C1QB: variants seen among roughly 807,000 people sequenced by gnomAD.
The protein encoded by C1QB is complement C1q B chain.
C1QB carries 2 observed loss-of-function variants against 4.6 expected under a neutral mutation model. That is an observed-to-expected ratio of 0.43 (90% CI 0.18 to 1.36). The LOEUF is 1.36. Ranked by LOEUF, C1QB falls within the 40% of genes most tolerant of loss-of-function variation. The probability of loss-of-function intolerance (pLI) is 0.28; values close to 1 mark genes in which losing one functional copy is unlikely to be tolerated. For missense variants in C1QB, 292 were observed against 338.0 expected, an observed-to-expected ratio of 0.86 and a Z score of 1.07; for synonymous variants, 132 against 137.1, an observed-to-expected ratio of 0.96 and a Z score of 0.26.
rs1167283790 is a variant in C1QB at position 22,659,539 on chromosome 1, A to G, written c.77A>G (p.Gln26Arg). 11 of 1,614,076 alleles carry G rather than the reference A, an allele frequency of 6.8e-6. No homozygotes were observed. The highest frequency in any genetic ancestry group is 9.3e-6 in the Non-Finnish European group (11 of 1,179,974). ...LLGLIDISQA[Q>R]LSCTGPPAIP... ...GGCCTAATCGATATCTCCCAGGCCC[A>G]GCTCAGCTGCACCGGGCCCCCAGCC... The change falls in exon 2 of 3, where the codon CAG becomes CGG. Residue 26 changes from glutamine (Q) to arginine (R), a missense_variant. Physicochemically the swap from Gln to Arg is conservative, Grantham distance 43. Coordinates refer to ENST00000509305, the MANE Select transcript of C1QB (RefSeq NM_001378156.1).
chr1:22,659,250 A>G (rs1642580316), intron 1 of C1QB, among the ~76,000 whole-genome samples, 190 bp from the exon 2 acceptor site: 2 of 138,834 alleles, frequency 1.4e-5, no homozygotes, highest in Non-Finnish European at 3.1e-5. Context: ...AGGGATAGAG[A>G]GATGGATGGA....
chr1:22,653,856 A>G (rs973597203), intron 1 of C1QB, among the ~76,000 whole-genome samples: 10 of 152,196 alleles, frequency 6.6e-5, no homozygotes, highest in African/African-American at 2.4e-4. Flanking sequence ...TTCCAAAGAA[A>G]TAAGGGGATG....
Position 22,659,292 on chromosome 1 carries a change from A to AGATGGATG in C1QB, c.-23-119_-23-112dup, listed in dbSNP as rs56917855. The stretch of plus-strand genomic sequence containing the variant: ...GACGGATGCAGATGGAGGGATAGAG[A>AGATGGATG]GATGGATGGATGGATGGATGGATGG... On this transcript the variant is annotated intron_variant, in intron 1 of 2. Coordinates refer to ENST00000509305, the MANE Select transcript of C1QB (RefSeq NM_001378156.1). 0.18 allele frequency: 117,711 copies of AGATGGATG among 646,996 alleles called. 12,501 individuals carry two copies. Among genetic ancestry groups the AGATGGATG allele is most frequent in the African/African-American group, 0.26 (11,785 of 46,088 alleles). The allele number at this position is 646,996 out of a possible 1,614,324, so 40.1% of individuals were successfully genotyped here.
intron 1 of C1QB, among the ~76,000 whole-genome samples, chr1:22,655,832 A>C (rs1642520477): frequency 6.6e-6 from 1 of 152,256 alleles, no homozygotes; most frequent in Non-Finnish European, 1.5e-5. Context: ...CCCCCATTTT[A>C]AGAGAGGATA....
At chr1:22,654,814 G>C (rs992238835) in intron 1 of C1QB, among the ~76,000 whole-genome samples, 1 of 152,214 alleles carries the variant, frequency 6.6e-6, no homozygotes, top group Non-Finnish European at 1.5e-5. Flanking sequence ...AGCAATCATC[G>C]TGGTGGTAAA....
chr1:22,656,765 C>T (rs1474550744), intron 1 of C1QB, among the ~76,000 whole-genome samples: 1 of 152,194 alleles, frequency 6.6e-6, no homozygotes, highest in Admixed American at 6.5e-5. Flanking sequence ...CACAAGACTG[C>T]TCCCCCTCAG....
In C1QB at chr1:22,661,511, T is replaced by A; in HGVS notation, c.*125T>A. On this transcript the variant is annotated 3_prime_UTR_variant, in exon 3 of 3. Transcript: ENST00000509305. ...TGGTGAATGCTGCTGAGTGAATGAG[T>A]AAATAAACTCTTCAAGGCCAAGGGA... 1 of 1,138,334 alleles carries A rather than the reference T, an allele frequency of 8.8e-7. No individual in the cohort carries two copies. Among genetic ancestry groups the A allele is most frequent in the Non-Finnish European group, 1.3e-6 (1 of 773,080 alleles). The allele number at this position is 1,138,334 out of a possible 1,614,324, so 70.5% of individuals were successfully genotyped here.
chr1:22,659,720 A>G (rs977765840), intron 2 of C1QB, 77 bp downstream of exon 2: 1 of 1,507,294 alleles, frequency 6.6e-7, no homozygotes, highest in Middle Eastern at 1.7e-4. Flanking sequence ...ACAGTTGCCT[A>G]CCTTTGAGAC....
In C1QB at chr1:22,661,432, G is replaced by C; in HGVS notation, c.*46G>C. ...CACCCCGGCTCCCCCTGCCAGCAAC[G>C]CTCACTCTACCCCCAACACCACCCC... On this transcript the variant is annotated 3_prime_UTR_variant, in exon 3 of 3. Coordinates refer to ENST00000509305, the MANE Select transcript of C1QB (RefSeq NM_001378156.1). The C allele has an allele frequency of 6.2e-7, 1 of 1,606,864 alleles. No individual in the cohort carries two copies. Among genetic ancestry groups the C allele is most frequent in the East Asian group, 2.2e-5 (1 of 44,808 alleles).
chr1:22,655,629 A>T (rs1232790109), intron 1 of C1QB, among the ~76,000 whole-genome samples: 1 of 152,162 alleles, frequency 6.6e-6, no homozygotes, highest in Non-Finnish European at 1.5e-5. Flanking sequence ...CAGTTTCCTC[A>T]TCTGCAAGAT....
intron 1 of C1QB, among the ~76,000 whole-genome samples, chr1:22,658,091 C>T (rs749767944): frequency 1.3e-5 from 2 of 152,134 alleles, no homozygotes; most frequent in Non-Finnish European, 2.9e-5. Context: ...TCTAAGCATG[C>T]AAGGTGGCCC....
At chr1:22,659,340 A>C in intron 1 of C1QB, 100 bp from the exon 2 acceptor site, 2 of 978,838 alleles carry the variant, frequency 2.0e-6, no homozygotes, top group Non-Finnish European at 3.0e-6. Flanking sequence ...AGATGGAGGA[A>C]TAGAGAGATG....
chr1:22,654,409 T>C (rs1055771791), intron 1 of C1QB, among the ~76,000 whole-genome samples: 2 of 151,822 alleles, frequency 1.3e-5, no homozygotes, highest in Non-Finnish European at 2.9e-5. Flanking sequence ...TCTCCACCCC[T>C]TGCTGCCTCC....
At position 22,656,377 on chromosome 1, in the gene C1QB, A is replaced by G. The variant is rs1256995623; in HGVS notation, c.-23-3063A>G. ...ACTTCCCAAATGTCCACCAATGATG[A>G]GTGGATAAACAAATAGCCAAGCGAG... On this transcript the variant is annotated intron_variant, in intron 1 of 2. Transcript: ENST00000509305. 3.3e-5 allele frequency among the ~76,000 whole-genome samples: 5 copies of G among 152,314 alleles called. No individual in the cohort carries two copies. The East Asian group carries it at 9.6e-4, about 29-fold the overall frequency.
chr1:22,661,311 G>T lies in C1QB; in HGVS notation c.681G>T (p.Lys227Asn). 6.2e-7 allele frequency: 1 copy of T among 1,614,064 alleles called. No homozygotes were observed. The highest frequency in any genetic ancestry group is 8.5e-7 in the Non-Finnish European group (1 of 1,179,990). ...ACGTCTTCCTGCAGGCCACCGACAA[G>T]AACTCACTACTGGGCATGGAGGGTG... ...GENVFLQATD[K>N]NSLLGMEGAN... is the part of the protein sequence containing the mutation. The change falls in exon 3 of 3, where the codon AAG becomes AAT. Residue 227 changes from lysine (K) to asparagine (N), a missense_variant. Coordinates refer to ENST00000509305, the MANE Select transcript of C1QB (RefSeq NM_001378156.1).
intron 1 of C1QB, among the ~76,000 whole-genome samples, chr1:22,654,626 G>C (rs1303340455): frequency 6.6e-6 from 1 of 152,192 alleles, no homozygotes; most frequent in Non-Finnish European, 1.5e-5. Flanking sequence ...CCCTATGAGG[G>C]AGAGAGTAGC....
chr1:22,658,789 AGGAT>A (rs749531414), intron 1 of C1QB, among the ~76,000 whole-genome samples: 130 of 148,324 alleles, frequency 8.8e-4, no homozygotes, highest in African/African-American at 2.0e-3. Context: ...CAGGGGCAGA[AGGAT>A]GGATGGATGG....
chr1:22,659,522 C>A lies in C1QB; in HGVS notation c.60C>A (p.Ile20=), dbSNP rs77379868. 1.6e-3 allele frequency: 2,633 copies of A among 1,614,028 alleles called. 47 individuals carry two copies. In the African/African-American group the frequency reaches 0.031, roughly 19 times the overall value. Residue 20 remains isoleucine, a synonymous_variant, in exon 2 of 3, where the codon ATC becomes ATA. Transcript: ENST00000509305. ...VLMLLLLLGL[I]DISQAQLSCT... Reference sequence around the variant, plus strand: ...TGTTGCTCCTGCTCCTGGGCCTAATCGATATCTCCCAGGCCCAGCTCAGCT... The same window carrying A: ...TGTTGCTCCTGCTCCTGGGCCTAATAGATATCTCCCAGGCCCAGCTCAGCT...
chr1:22,659,413 T>C, intron 1 of C1QB, 27 bp from the exon 2 acceptor site: 2 of 1,603,720 alleles, frequency 1.2e-6, no homozygotes, highest in African/African-American at 1.3e-5. Flanking sequence ...ACCACGGTGG[T>C]AACCTCTCAC....
Sources: allele counts gnomAD v4.1 joint callset (sites outside exome capture counted in the v4.1 genomes callset), GRCh38; gene constraint gnomAD v4.1.1; transcripts MANE v1.5; gene names NCBI Gene and HGNC (gene_info 2026-07-23, HGNC 2026-07-21).